The following PSMF1 variants were observed in gnomAD, a reference collection of about 807,000 sequenced individuals.
PSMF1 encodes the protein proteasome inhibitor subunit 1.
A neutral mutation model predicts 29.3 loss-of-function variants in PSMF1; 30 were observed. That is an observed-to-expected ratio of 1.02 (90% CI 0.77 to 1.39). The LOEUF is 1.39. PSMF1 is among the 40% of genes most tolerant of loss of function. The probability of loss-of-function intolerance (pLI) is 0.00; values close to 1 mark genes in which losing one functional copy is unlikely to be tolerated. For synonymous variants in PSMF1, 134 were observed against 139.7 expected, an observed-to-expected ratio of 0.96 and a Z score of 0.29; for missense variants, 344 against 357.5, an observed-to-expected ratio of 0.96 and a Z score of 0.31.
At chr20:1,113,994 G>C (rs2085992492), upstream of PSMF1, among the ~76,000 whole-genome samples, 1 of 152,086 alleles carries the variant, frequency 6.6e-6, no homozygotes, top group South Asian at 2.1e-4. Flanking sequence ...CCCGGCCTGG[G>C]TTACGGACTT....
Position 1,164,264 on chromosome 20 carries a change from C to T in PSMF1, c.606-54C>T. On this transcript the variant is annotated intron_variant, in intron 5 of 6. Coordinates refer to ENST00000335877, the MANE Select transcript of PSMF1 (RefSeq NM_006814.5). This position sits in a 1 kb window ranked among gnomAD's most constrained non-coding sequence, Gnocchi z 4.1. The stretch of plus-strand genomic sequence containing the variant: ...TGCATTGTAACCTCCCTCGCCTTTT[C>T]TCCAAGGGCAGTCCTTGCCACACCT... 2 of 1,537,016 alleles carry T rather than the reference C, an allele frequency of 1.3e-6. No homozygotes were observed. The highest frequency in any genetic ancestry group is 1.8e-6 in the Non-Finnish European group (2 of 1,110,298).
chr20:1,124,398 T>C (rs2086127020), intron 1 of PSMF1, among the ~76,000 whole-genome samples: 1 of 152,182 alleles, frequency 6.6e-6, no homozygotes, highest in Non-Finnish European at 1.5e-5. Context: ...TTACCCCTAC[T>C]AGATTGGCAA....
chr20:1,165,799 A>T lies in PSMF1; in HGVS notation c.*719A>T, dbSNP rs894879976. 4.8e-6 allele frequency: 5 copies of T among 1,037,134 alleles called. No homozygotes were observed. In the African/African-American group the frequency reaches 8.4e-5, roughly 17 times the overall value. The allele number at this position is 1,037,134 out of a possible 1,614,324, so 64.2% of individuals were successfully genotyped here. A position where few individuals can be genotyped will look rare whatever the true frequency, so the allele number is the denominator to read the frequency against. ...CTGTCTGGGCCAGTTTTGTAGGTCC[A>T]TCTGTGCATGGGCAGCAGTAGTCAA... On this transcript the variant is annotated 3_prime_UTR_variant, in exon 7 of 7. Coordinates refer to ENST00000335877, the MANE Select transcript of PSMF1 (RefSeq NM_006814.5).
At chr20:1,155,204 C>A (rs891710530) in intron 4 of PSMF1, among the ~76,000 whole-genome samples, 1 of 152,190 alleles carries the variant, frequency 6.6e-6, no homozygotes, top group African/African-American at 2.4e-5. Context: ...GGAGAGTGTT[C>A]CAGGAAAGGC....
rs529197671 is a variant in PSMF1, at chr20:1,171,796, G to T, written c.*6716G>T. On this transcript the variant is annotated 3_prime_UTR_variant, in exon 7 of 7. Coordinates refer to ENST00000335877, the MANE Select transcript of PSMF1 (RefSeq NM_006814.5). ...GGACAGACAGGCATCCTGAGAGGAG[G>T]GGGCCTGGACCTAGGTGTCTTGCCA... 5.3e-5 allele frequency among the ~76,000 whole-genome samples: 8 copies of T among 152,224 alleles called. No homozygotes were observed. The highest frequency in any genetic ancestry group is 1.0e-4 in the Non-Finnish European group (7 of 68,034).
intron 4 of PSMF1, among the ~76,000 whole-genome samples, chr20:1,159,085 G>A (rs923883869): frequency 6.7e-6 from 1 of 150,112 alleles, no homozygotes; most frequent in African/African-American, 2.5e-5. Flanking sequence ...GAAGTAAATG[G>A]GTTCTAAGTG....
At chr20:1,120,672 A>G (rs1028761419) in intron 1 of PSMF1, among the ~76,000 whole-genome samples, 5 of 152,204 alleles carry the variant, frequency 3.3e-5, no homozygotes, top group African/African-American at 9.6e-5. Context: ...TGCAGGGGAC[A>G]GTGGGGCTGA....
chr20:1,133,918 CTTA>C (rs1430954729), intron 3 of PSMF1, among the ~76,000 whole-genome samples: 1 of 151,934 alleles, frequency 6.6e-6, no homozygotes, highest in Non-Finnish European at 1.5e-5. Context: ...TTAGTATTCT[CTTA>C]TTATCCTTTC....
intron 2 of PSMF1, chr20:1,125,995 CTTGCACTTTACATTTCCTATGCTG>C (rs2086150790): frequency 2.1e-6 from 1 of 467,486 alleles, no homozygotes; most frequent in Non-Finnish European, 4.3e-6. Context: ...CCTTGGAGCC[CTTGCACTTTACATTTCCTATGCTG>C]GAAGGCTCTT....
At chr20:1,132,187 A>G (rs1455770950) in intron 3 of PSMF1, among the ~76,000 whole-genome samples, 1 of 151,900 alleles carries the variant, frequency 6.6e-6, no homozygotes, top group Non-Finnish European at 1.5e-5. Flanking sequence ...GAGTAGAATA[A>G]TTCCTCCCAC....
chr20:1,138,211 A>G (rs1296529632), intron 4 of PSMF1, among the ~76,000 whole-genome samples: 1 of 152,236 alleles, frequency 6.6e-6, no homozygotes, highest in African/African-American at 2.4e-5. Context: ...AGTATCCTTT[A>G]TGAATACAGA....
At chr20:1,134,940 G>A (rs1372310726) in intron 3 of PSMF1, 181 bp from the exon 4 acceptor site, 2 of 702,946 alleles carry the variant, frequency 2.8e-6, no homozygotes, top group Non-Finnish European at 5.1e-6. Flanking sequence ...CAGAGACAGC[G>A]TGGGGCTGTT....
Position 1,127,446 on chromosome 20 carries a change from GGC to G in PSMF1, c.304_305del (p.Ala102ArgfsTer8). 6.2e-7 allele frequency: 1 copy of G among 1,607,032 alleles called. No individual in the cohort carries two copies. Among genetic ancestry groups the G allele is most frequent in the Non-Finnish European group, 8.5e-7 (1 of 1,173,546 alleles). ...TCTAGGAATATGGCTCACAGCAAGT[GGC>G]AGACTTGACCCTGAACTTGGATGAT... ...NVLEYGSQQV[A>X]DLTLNLDDYI... On this transcript the variant is annotated frameshift_variant, in exon 3 of 7. Coordinates refer to ENST00000335877, the MANE Select transcript of PSMF1 (RefSeq NM_006814.5). LOFTEE classifies it high-confidence loss of function.
chr20:1,123,452 A>G (rs990857192), intron 1 of PSMF1, among the ~76,000 whole-genome samples: 3 of 152,110 alleles, frequency 2.0e-5, no homozygotes, highest in African/African-American at 7.2e-5. Context: ...AGATTATAGC[A>G]TTTTTTTGTG....
chr20:1,124,546 G>A (rs1395201297), intron 1 of PSMF1, among the ~76,000 whole-genome samples: 2 of 49,430 alleles, frequency 4.0e-5, no homozygotes, highest in Non-Finnish European at 7.9e-5. Context: ...CATGCATACT[G>A]TATAGAAATT....
At chr20:1,117,104 T>G (rs4813031), upstream of PSMF1, among the ~76,000 whole-genome samples, 83,834 of 151,920 alleles carry the variant, frequency 0.55, 25,039 homozygotes, top group East Asian at 0.9. Flanking sequence ...GTCAACTAGC[T>G]TTGCTGTTGG....
At chr20:1,161,503 A>G in intron 4 of PSMF1, 1 of 525,668 alleles carries the variant, frequency 1.9e-6, no homozygotes, top group Non-Finnish European at 3.6e-6. Flanking sequence ...AGCATCTCCA[A>G]CAGGATGCAG....
chr20:1,166,209 T>G lies in PSMF1; in HGVS notation c.*1129T>G. 1 of 1,612,106 alleles carries G rather than the reference T, an allele frequency of 6.2e-7. No individual in the cohort carries two copies. Among genetic ancestry groups the G allele is most frequent in the Non-Finnish European group, 8.5e-7 (1 of 1,179,644 alleles). On this transcript the variant is annotated 3_prime_UTR_variant, in exon 7 of 7. Transcript: ENST00000335877. ...TCCTGGCCCACCTGACCTTTGGTGT[T>G]CTCCGGATCCTTTTCAGCCCGAGGC...
Position 1,171,400 on chromosome 20 carries a change from G to T in PSMF1, c.*6320G>T, listed in dbSNP as rs1294107232. Among the ~76,000 whole-genome samples the T allele has an allele frequency of 6.6e-6, 1 of 152,136 alleles. No individual in the cohort carries two copies. Among genetic ancestry groups the T allele is most frequent in the Admixed American group, 6.5e-5 (1 of 15,274 alleles). Reference sequence around the variant, plus strand: ...GCTCTGTCACCTGGCTCCATGTGCTGCTCACCTCGGCCTTCTGAGTTTAGT... The same window carrying T: ...GCTCTGTCACCTGGCTCCATGTGCTTCTCACCTCGGCCTTCTGAGTTTAGT... On this transcript the variant is annotated 3_prime_UTR_variant, in exon 7 of 7. Transcript: ENST00000335877.
Sources: gnomAD v4.1 joint callset for allele counts (sites outside exome capture counted in the v4.1 genomes callset) on GRCh38, gnomAD v4.1.1 for gene constraint, Gnocchi (gnomAD v3.1) non-coding constraint, MANE v1.5 for transcripts, NCBI Gene and HGNC (gene_info 2026-07-23, HGNC 2026-07-21) for gene names.